Variants in PDE11A observed in about 807,000 individuals in gnomAD.
PDE11A encodes dual 3',5'-cyclic-AMP and -GMP phosphodiesterase 11A.
In PDE11A, 100 loss-of-function variants were observed where a neutral mutation model predicts 100.5. The observed-to-expected ratio is 1.00, with a 90% CI of 0.85 to 1.18. PDE11A has a LOEUF of 1.18. Ranked by LOEUF, PDE11A falls within the 50% of genes most tolerant of loss-of-function variation. The pLI, the probability that PDE11A is intolerant of heterozygous loss-of-function variation, is 0.00. For synonymous variants in PDE11A, 381 were observed against 420.8 expected (o/e 0.91, Z 1.16); for missense variants, 1,141 against 1,152.6 (o/e 0.99, Z 0.15).
chr2:177,664,284 T>C (rs2080535026), intron 18 of PDE11A, among the ~76,000 whole-genome samples: 3 of 152,178 alleles, frequency 2.0e-5, no homozygotes, highest in Admixed American at 2.0e-4. Context: ...AGGAATATGT[T>C]TTACTGCCAC....
intron 9 of PDE11A, among the ~76,000 whole-genome samples, chr2:177,785,961 C>T (rs1376519543): frequency 1.3e-5 from 2 of 152,210 alleles, no homozygotes; most frequent in African/African-American, 4.8e-5. Flanking sequence ...GGGGGCAGGG[C>T]ACAGACAAAC....
intron 19 of PDE11A, among the ~76,000 whole-genome samples, chr2:177,631,128 C>A (rs1201244305): frequency 3.0e-5 from 2 of 67,168 alleles, no homozygotes; most frequent in African/African-American, 6.1e-5. Flanking sequence ...TGAATGGAAT[C>A]TTTCTATTAT....
At chr2:178,062,734 T>C (rs2086988599) in intron 1 of PDE11A, among the ~76,000 whole-genome samples, 1 of 152,224 alleles carries the variant, frequency 6.6e-6, no homozygotes, top group Non-Finnish European at 1.5e-5. Flanking sequence ...TTTAATTTTT[T>C]AATTGAAAAA....
chr2:177,666,612 C>T (rs981457768), intron 18 of PDE11A, among the ~76,000 whole-genome samples: 1 of 152,104 alleles, frequency 6.6e-6, no homozygotes, highest in Non-Finnish European at 1.5e-5. Context: ...GAAGTGATAT[C>T]TCATTGTGGT....
At chr2:177,630,727 A>G (rs2079905988) in intron 19 of PDE11A, among the ~76,000 whole-genome samples, 1 of 152,168 alleles carries the variant, frequency 6.6e-6, no homozygotes, top group Non-Finnish European at 1.5e-5. Flanking sequence ...CTTCTAACAT[A>G]TTCAACCAGT....
upstream of PDE11A, among the ~76,000 whole-genome samples, chr2:178,073,721 G>A (rs1015362732): frequency 6.6e-6 from 1 of 152,212 alleles, no homozygotes; most frequent in Non-Finnish European, 1.5e-5. Context: ...ATGTAGCTAT[G>A]TCTCTGGTCA....
rs570543079 is a variant in PDE11A, at chr2:177,846,652, C to T, written c.1368-6269G>A. Among the ~76,000 whole-genome samples, 9 of 152,298 alleles carry T rather than the reference C, an allele frequency of 5.9e-5. No homozygotes were observed. In the East Asian group the frequency reaches 1.5e-3, roughly 26 times the overall value. The stretch of plus-strand genomic sequence containing the variant: ...GCCACGTTTAGTTGTGCAGGTTCTG[C>T]CTTGCACACGGATGCCCTATAAAAG... On this transcript the variant is annotated intron_variant, in intron 5 of 19. Coordinates refer to ENST00000286063, the MANE Select transcript of PDE11A (RefSeq NM_016953.4).
chr2:177,841,897 A>C (rs76728491), intron 5 of PDE11A, among the ~76,000 whole-genome samples: 6,655 of 152,314 alleles, frequency 0.044, 210 homozygotes, highest in Middle Eastern at 0.12. Flanking sequence ...TCAAAACAAA[A>C]GAACAAAAAA....
At chr2:177,731,529 C>T (rs148769452) in intron 10 of PDE11A, among the ~76,000 whole-genome samples, 313 of 152,284 alleles carry the variant, frequency 2.1e-3, no homozygotes, top group African/African-American at 7.2e-3. Flanking sequence ...AGTCCTCCTG[C>T]TTTCACCCTG....
intron 1 of PDE11A, among the ~76,000 whole-genome samples, chr2:178,050,339 C>A (rs1253746014): frequency 1.4e-4 from 21 of 152,126 alleles, no homozygotes; most frequent in Admixed American, 6.5e-5. Flanking sequence ...CACACCAAAA[C>A]CCCATATGTA....
intron 10 of PDE11A, among the ~76,000 whole-genome samples, chr2:177,762,944 C>T (rs2082189805): frequency 2.0e-5 from 3 of 152,142 alleles, no homozygotes; most frequent in African/African-American, 4.8e-5. Flanking sequence ...GATCTGGTTC[C>T]CCTCATGCTC....
chr2:177,766,425 G>A (rs530530733), intron 10 of PDE11A, among the ~76,000 whole-genome samples: 2 of 152,178 alleles, frequency 1.3e-5, no homozygotes, highest in African/African-American at 4.8e-5. Flanking sequence ...GAAATCTCAC[G>A]GATAACTGAT....
chr2:178,086,911 A>G (rs1005226755), intron 2 of PDE11A, among the ~76,000 whole-genome samples: 19 of 152,196 alleles, frequency 1.2e-4, no homozygotes, highest in Admixed American at 1.2e-3. Context: ...AAAATGAGCA[A>G]TCCCACTACT....
Position 178,071,539 on chromosome 2 carries a change from G to T in PDE11A, c.899C>A (p.Pro300His). The T allele has an allele frequency of 6.2e-7, 1 of 1,612,840 alleles. No individual in the cohort carries two copies. Among genetic ancestry groups the T allele is most frequent in the South Asian group, 1.1e-5 (1 of 91,028 alleles). The change falls in exon 1 of 20, where the codon CCT becomes CAT. Residue 300 changes from proline to histidine, a missense_variant. Pro to His is a moderately conservative substitution (Grantham distance 77). Transcript: ENST00000286063. ...VGEHGETVNI[P>H]DAYQDRRFND... is the part of the protein sequence containing the mutation. ...GCAAAGTCCTACCTGGTAGGCATCA[G>T]GAATGTTGACCGTTTCTCCATGCTC...
At chr2:177,643,225 C>G (rs2091441) in intron 19 of PDE11A, among the ~76,000 whole-genome samples, 10,112 of 152,192 alleles carry the variant, frequency 0.066, 932 homozygotes, top group African/African-American at 0.21. Context: ...ATTTGGAGGG[C>G]TCAGAAGAAG....
At chr2:178,040,529 A>G (rs2086670697) in intron 1 of PDE11A, among the ~76,000 whole-genome samples, 1 of 152,196 alleles carries the variant, frequency 6.6e-6, no homozygotes, top group South Asian at 2.1e-4. Flanking sequence ...CCTTTCCGAT[A>G]TGTTCAGCAC....
At chr2:177,949,354 A>C (rs1483630371) in intron 2 of PDE11A, among the ~76,000 whole-genome samples, 1 of 152,196 alleles carries the variant, frequency 6.6e-6, no homozygotes, top group African/African-American at 2.4e-5. Context: ...ATGAAGAAGA[A>C]AGTTAAAGTC....
rs77082738 is a variant in PDE11A at position 177,759,378 on chromosome 2, G to T, written c.1788+9945C>A. Among the ~76,000 whole-genome samples, 312 of 152,238 alleles carry T rather than the reference G, an allele frequency of 2.0e-3. 1 individual carries two copies. Among genetic ancestry groups the T allele is most frequent in the African/African-American group, 7.1e-3 (293 of 41,544 alleles). On this transcript the variant is annotated intron_variant, in intron 10 of 19. Coordinates refer to ENST00000286063, the MANE Select transcript of PDE11A (RefSeq NM_016953.4). Reference sequence around the variant, plus strand: ...CACTATAGGAAATATTATAAAAAATGCAAGCCCAGTCTCACATTCTTCACT... The same window carrying T: ...CACTATAGGAAATATTATAAAAAATTCAAGCCCAGTCTCACATTCTTCACT...
chr2:177,703,394 CA>C (rs2081229996), intron 13 of PDE11A, among the ~76,000 whole-genome samples: 1 of 152,122 alleles, frequency 6.6e-6, no homozygotes, highest in African/African-American at 2.4e-5. Context: ...GTACCAGTTC[CA>C]GATTTGAATC....
Sources: gnomAD v4.1 joint callset for allele counts (sites outside exome capture counted in the v4.1 genomes callset) on GRCh38, gnomAD v4.1.1 for gene constraint, MANE v1.5 for transcripts, NCBI Gene and HGNC (gene_info 2026-07-23, HGNC 2026-07-21) for gene names.